PRPF8: variants seen among roughly 807,000 people sequenced by gnomAD.
PRPF8 encodes pre-mRNA processing factor 8.
A neutral mutation model predicts 285.9 loss-of-function variants in PRPF8; 64 were observed. The ratio of observed to expected loss-of-function variants is 0.22; its 90% CI spans 0.18 to 0.28. The LOEUF is 0.28. Among genes scored for constraint, PRPF8 ranks in the 10% least tolerant of loss-of-function variants. The pLI, the probability that PRPF8 is intolerant of heterozygous loss-of-function variation, is 1.00. For missense variants in PRPF8, 1,426 were observed against 3,026.7 expected (o/e 0.47, Z 12.41); for synonymous variants, 1,325 against 1,118.2 (o/e 1.18, Z -3.69).
At position 1,675,863 on chromosome 17, in the gene PRPF8, G is replaced by A. The variant is rs754242604; in HGVS notation, c.2680-51C>T. ...ACCAATCCACCAACTGCTACCTTTG[G>A]TAGAACCAAAGGCAACTGCTACCTT... On this transcript the variant is annotated intron_variant, in intron 18 of 42. Coordinates refer to ENST00000304992, the MANE Select transcript of PRPF8 (RefSeq NM_006445.4). The surrounding 1 kb of genome is among the most constrained non-coding windows in gnomAD (Gnocchi z 6.0). The A allele has an allele frequency of 3.7e-6, 6 of 1,606,012 alleles. No homozygotes were observed. In the South Asian group the frequency reaches 5.5e-5, roughly 15 times the overall value.
At position 1,683,634 on chromosome 17, in the gene PRPF8, G is replaced by C. The variant is rs1913059462; in HGVS notation, c.168C>G (p.Ala56=). The C allele has an allele frequency of 6.2e-7, 1 of 1,614,008 alleles. No individual in the cohort carries two copies. Among genetic ancestry groups the C allele is most frequent in the Non-Finnish European group, 8.5e-7 (1 of 1,180,010 alleles). Residue 56 remains alanine, a synonymous_variant, in exon 3 of 43, where the codon GCC becomes GCG. Transcript: ENST00000304992. ...AEKRKFGFVD[A]QKEDMPPEHV... ...GTTCTGGGGGCATGTCTTCCTTCTG[G>C]GCATCCACAAACCCAAACTTCCGCT...
At chr17:1,655,119 G>A (rs982368473) in intron 37 of PRPF8, 20 of 532,034 alleles carry the variant, frequency 3.8e-5, no homozygotes, top group East Asian at 6.8e-5. Flanking sequence ...CATCGCACCC[G>A]GCTAACTTTT....
chr17:1,655,676 G>A (rs1911337242), intron 36 of PRPF8, 133 bp from the exon 37 acceptor site: 1 of 757,364 alleles, frequency 1.3e-6, no homozygotes, highest in Admixed American at 2.1e-5. Context: ...GCCCAGGCTG[G>A]AGTGCAGTGG....
chr17:1,677,259 G>A (rs750776913), intron 14 of PRPF8, 87 bp from the exon 15 acceptor site: 1 of 1,326,164 alleles, frequency 7.5e-7, no homozygotes, highest in Middle Eastern at 2.0e-4. Flanking sequence ...CACTCATTAT[G>A]GTTATTAATA....
intron 24 of PRPF8, among the ~76,000 whole-genome samples, chr17:1,664,252 C>T (rs191727059): frequency 6.6e-6 from 1 of 152,088 alleles, no homozygotes; most frequent in Non-Finnish European, 1.5e-5. Flanking sequence ...AGGCTGGTCT[C>T]GAACTCCTGT....
chr17:1,659,492 C>A lies in PRPF8; in HGVS notation c.5003G>T (p.Trp1668Leu). The change falls in exon 32 of 43, where the codon TGG becomes TTG. Residue 1668 changes from tryptophan to leucine, a missense_variant. Transcript: ENST00000304992. This position sits in a 1 kb window ranked among gnomAD's most constrained non-coding sequence, Gnocchi z 5.1. ...QKYWIDIQLR[W>L]GDYDSHDIER... Reference sequence around the variant, plus strand: ...AATGTCGTGGGAATCATAGTCCCCCCAGCGCAACTGGATGTCAATCCAGTA... The same window carrying A: ...AATGTCGTGGGAATCATAGTCCCCCAAGCGCAACTGGATGTCAATCCAGTA... 1 of 1,614,114 alleles carries A rather than the reference C, an allele frequency of 6.2e-7. No homozygotes were observed. Among genetic ancestry groups the A allele is most frequent in the Non-Finnish European group, 8.5e-7 (1 of 1,180,028 alleles).
At chr17:1,671,756 CAGG>C (rs1912332071) in intron 24 of PRPF8, among the ~76,000 whole-genome samples, 2 of 145,920 alleles carry the variant, frequency 1.4e-5, no homozygotes, top group East Asian at 2.0e-4. Flanking sequence ...GAGGCTGAGG[CAGG>C]AGAATGGCGT....
At position 1,678,483 on chromosome 17, in the gene PRPF8, CA is replaced by C. The variant is rs752661151; in HGVS notation, c.1854+34del. 6.8e-6 allele frequency: 11 copies of C among 1,612,486 alleles called. 1 individual carries two copies. In the South Asian group the frequency reaches 7.7e-5, roughly 11 times the overall value. The stretch of plus-strand genomic sequence containing the variant: ...AAGAGACAAGAGTAAGACTCTGTCT[CA>C]AAAAAAAGAAAGTCAGTAAAGTCAA... On this transcript the variant is annotated intron_variant, in intron 13 of 42. Coordinates refer to ENST00000304992, the MANE Select transcript of PRPF8 (RefSeq NM_006445.4).
chr17:1,658,228 C>T lies in PRPF8; in HGVS notation c.5505+25G>A. Reference sequence around the variant, plus strand: ...AATAAGAGGCAACATGGTTCTACAGCCTCTTCATCTTTAAACCTGCTCACC... The same window carrying T: ...AATAAGAGGCAACATGGTTCTACAGTCTCTTCATCTTTAAACCTGCTCACC... On this transcript the variant is annotated intron_variant, in intron 34 of 42. Coordinates refer to ENST00000304992, the MANE Select transcript of PRPF8 (RefSeq NM_006445.4). The surrounding 1 kb of genome is among the most constrained non-coding windows in gnomAD (Gnocchi z 4.1). 1.2e-6 allele frequency: 2 copies of T among 1,613,998 alleles called. No individual in the cohort carries two copies. The highest frequency in any genetic ancestry group is 1.7e-6 in the Non-Finnish European group (2 of 1,180,036).
chr17:1,670,210 G>A (rs1267420846), intron 24 of PRPF8, among the ~76,000 whole-genome samples: 2 of 152,042 alleles, frequency 1.3e-5, no homozygotes, highest in African/African-American at 4.8e-5. Context: ...TAAATACCTG[G>A]GGAAATCTCC....
chr17:1,655,197 A>C (rs186442340), intron 37 of PRPF8, among the ~76,000 whole-genome samples, 153 bp downstream of exon 37: 1 of 151,884 alleles, frequency 6.6e-6, no homozygotes, highest in African/African-American at 2.4e-5. Flanking sequence ...ACCTCAAATG[A>C]TCTACCCACC....
At chr17:1,677,816 T>A in intron 13 of PRPF8, 122 bp from the exon 14 acceptor site, 1 of 1,310,884 alleles carries the variant, frequency 7.6e-7, no homozygotes, top group Non-Finnish European at 1.1e-6. Context: ...GGTATGGCAG[T>A]AGAGGGGTAA....
intron 2 of PRPF8, 87 bp downstream of exon 2, chr17:1,684,385 C>T: frequency 7.4e-7 from 1 of 1,348,006 alleles, no homozygotes; most frequent in Non-Finnish European, 1.1e-6. Flanking sequence ...TCAGGAGCTG[C>T]CCAAACGGGG....
Position 1,651,377 on chromosome 17 carries a change from G to A in PRPF8, c.6650+37C>T. The A allele has an allele frequency of 6.2e-7, 1 of 1,614,072 alleles. No individual in the cohort carries two copies. Among genetic ancestry groups the A allele is most frequent in the Non-Finnish European group, 8.5e-7 (1 of 1,180,010 alleles). On this transcript the variant is annotated intron_variant, in intron 41 of 42. Transcript: ENST00000304992. The surrounding 1 kb of genome is among the most constrained non-coding windows in gnomAD (Gnocchi z 5.1). ...TTCTGGGCCCTGGCCTGCAATCCCTGCCCCACCATACTTCCTCCCAAGGAG... is the reference window on the plus strand; with the variant it reads ...TTCTGGGCCCTGGCCTGCAATCCCTACCCCACCATACTTCCTCCCAAGGAG...
chr17:1,679,503 G>GAAA lies in PRPF8; in HGVS notation c.1290-96_1290-94dup. On this transcript the variant is annotated intron_variant, in intron 9 of 42. Transcript: ENST00000304992. This position sits in a 1 kb window ranked among gnomAD's most constrained non-coding sequence, Gnocchi z 4.7. ...CTTGGGTTGTCTACCATTTTTATGG[G>GAAA]AAAAAAAAAAAAAGAATTTAAAAAA... 7.1e-7 allele frequency: 1 copy of GAAA among 1,409,496 alleles called. No individual in the cohort carries two copies. Among genetic ancestry groups the GAAA allele is most frequent in the Non-Finnish European group, 9.7e-7 (1 of 1,026,448 alleles). The allele number at this position is 1,409,496 out of a possible 1,614,324, so 87.3% of individuals were successfully genotyped here.
At position 1,676,825 on chromosome 17, in the gene PRPF8, G is replaced by A; in HGVS notation, c.2182-114C>T. 6.7e-7 allele frequency: 1 copy of A among 1,481,928 alleles called. No homozygotes were observed. Among genetic ancestry groups the A allele is most frequent in the Non-Finnish European group, 9.3e-7 (1 of 1,070,382 alleles). 91.8% of individuals were successfully genotyped at this position (1,481,928 alleles called of 1,614,324 possible). A position where few individuals can be genotyped will look rare whatever the true frequency, so the allele number is the denominator to read the frequency against. On this transcript the variant is annotated intron_variant, in intron 15 of 42. Coordinates refer to ENST00000304992, the MANE Select transcript of PRPF8 (RefSeq NM_006445.4). This position sits in a 1 kb window ranked among gnomAD's most constrained non-coding sequence, Gnocchi z 6.3. Reference sequence around the variant, plus strand: ...GGATCGCTTGAGCTCAGGAGCTTGAGGCCAGCCTAAGCAACATGGTGCTTC... The same window carrying A: ...GGATCGCTTGAGCTCAGGAGCTTGAAGCCAGCCTAAGCAACATGGTGCTTC...
rs578108349 is a variant in PRPF8, at chr17:1,683,603, T to C, written c.199A>G (p.Arg67Gly). 1.2e-6 allele frequency: 2 copies of C among 1,614,194 alleles called. No homozygotes were observed. The highest frequency in any genetic ancestry group is 1.3e-5 in the African/African-American group (1 of 75,042). ...TCTCCATGGTCTCGAATGATCTTCC[T>C]GACATGTTCTGGGGGCATGTCTTCC... The part of the protein sequence containing the change: ...QKEDMPPEHV[R>G]KIIRDHGDMT... The change falls in exon 3 of 43, where the codon AGG becomes GGG. Residue 67 changes from arginine (R) to glycine (G), a missense_variant. Arg to Gly is a moderately radical substitution (Grantham distance 125, BLOSUM62 -2). Around this residue, in one of 34 missense-constraint regions of PRPF8, gnomAD observed 96 missense variants for 188.3 expected, o/e 0.51. Coordinates refer to ENST00000304992, the MANE Select transcript of PRPF8 (RefSeq NM_006445.4).
chr17:1,683,089 A>T, intron 3 of PRPF8: 2 of 252,866 alleles, frequency 7.9e-6, no homozygotes, highest in Non-Finnish European at 1.6e-5. Flanking sequence ...TCCGCCTCCC[A>T]GGTTCACGCC....
In PRPF8 at chr17:1,660,833, G is replaced by A. The variant is rs549517062; in HGVS notation, c.4509-6C>T. 3.1e-6 allele frequency: 5 copies of A among 1,613,682 alleles called. No homozygotes were observed. Among genetic ancestry groups the A allele is most frequent in the East Asian group, 2.2e-5 (1 of 44,894 alleles). ...CAAAGCCACTGGCCTTCTCCCTGGG[G>A]AGCAAGAGAAGCAGGTGAGGTGATA... On this transcript the variant is annotated splice_region_variant and splice_polypyrimidine_tract_variant and intron_variant, in intron 28 of 42. Coordinates refer to ENST00000304992, the MANE Select transcript of PRPF8 (RefSeq NM_006445.4).
Sources: allele counts gnomAD v4.1 joint callset (sites outside exome capture counted in the v4.1 genomes callset), GRCh38; gene constraint gnomAD v4.1.1; regional missense constraint gnomAD v4.1.1; non-coding constraint Gnocchi (gnomAD v3.1); transcripts MANE v1.5; gene names NCBI Gene and HGNC (gene_info 2026-07-23, HGNC 2026-07-21).